Variants in NPAS3 observed in about 807,000 individuals in gnomAD.
The protein encoded by NPAS3 is neuronal PAS domain-containing protein 3.
Under a neutral mutation model 73.1 loss-of-function variants are expected in NPAS3, and 14 were observed. That is an observed-to-expected ratio of 0.19 (90% CI 0.13 to 0.30). The LOEUF is 0.30. Ranked by LOEUF, NPAS3 falls within the 10% of genes least tolerant of loss-of-function variation. NPAS3 has a pLI of 1.00. For synonymous variants in NPAS3, 620 were observed against 541.5 expected (o/e 1.14, Z -2.01); for missense variants, 1,096 against 1,250.0 (o/e 0.88, Z 1.86).
chr14:32,946,742 A>G (rs1400322409), intron 1 of NPAS3, among the ~76,000 whole-genome samples: 1 of 152,206 alleles, frequency 6.6e-6, no homozygotes, highest in African/African-American at 2.4e-5. Flanking sequence ...CATTCAGCAA[A>G]TATCTTGTTT....
At chr14:33,320,777 T>C (rs1453171256) in intron 3 of NPAS3, among the ~76,000 whole-genome samples, 1 of 152,200 alleles carries the variant, frequency 6.6e-6, no homozygotes, top group Admixed American at 6.5e-5. Context: ...GGGAAATTAA[T>C]TTCATTTATT....
At chr14:33,270,666 C>G (rs1384593514) in intron 3 of NPAS3, among the ~76,000 whole-genome samples, 1 of 152,200 alleles carries the variant, frequency 6.6e-6, no homozygotes, top group African/African-American at 2.4e-5. Context: ...TACATGTTTT[C>G]CCTCTGGAAG....
intron 4 of NPAS3, among the ~76,000 whole-genome samples, chr14:33,438,444 G>A (rs1028565712): frequency 6.6e-6 from 1 of 152,166 alleles, no homozygotes; most frequent in Non-Finnish European, 1.5e-5. Context: ...AGACATCATA[G>A]CAAGATTTTT....
intron 4 of NPAS3, among the ~76,000 whole-genome samples, chr14:33,550,784 T>A (rs1250440060): frequency 5.9e-5 from 9 of 152,174 alleles, no homozygotes; most frequent in African/African-American, 2.2e-4. Flanking sequence ...TGAAGCTAAA[T>A]TCTGGAGCTA....
chr14:33,311,549 T>G (rs923360399), intron 3 of NPAS3, among the ~76,000 whole-genome samples: 12 of 152,106 alleles, frequency 7.9e-5, no homozygotes, highest in Non-Finnish European at 1.6e-4. Flanking sequence ...GGTAGATAAT[T>G]CAGTAGCAAT....
chr14:32,996,700 G>A (rs1219647551), intron 1 of NPAS3, among the ~76,000 whole-genome samples: 1 of 152,206 alleles, frequency 6.6e-6, no homozygotes, highest in African/African-American at 2.4e-5. Flanking sequence ...AAGAATTGAG[G>A]TTTGGGAATC....
At chr14:33,421,412 G>A (rs1171645236) in intron 4 of NPAS3, among the ~76,000 whole-genome samples, 1 of 151,858 alleles carries the variant, frequency 6.6e-6, no homozygotes, top group Non-Finnish European at 1.5e-5. Flanking sequence ...GGGGTGAGAT[G>A]GGGGAGAAAG....
chr14:33,786,404 T>C (rs1290742484), intron 9 of NPAS3, among the ~76,000 whole-genome samples: 1 of 152,020 alleles, frequency 6.6e-6, no homozygotes, highest in Non-Finnish European at 1.5e-5. Context: ...GATGTTTGTT[T>C]AGTGGAGTTA....
chr14:33,365,392 G>A (rs1233606536), intron 3 of NPAS3, among the ~76,000 whole-genome samples: 1 of 151,978 alleles, frequency 6.6e-6, no homozygotes, highest in Non-Finnish European at 1.5e-5. Flanking sequence ...AATCAGAAAT[G>A]TGCACACCCA....
chr14:33,153,455 AT>A (rs956875041), intron 2 of NPAS3, among the ~76,000 whole-genome samples: 22 of 152,168 alleles, frequency 1.4e-4, no homozygotes, highest in African/African-American at 5.3e-4. Flanking sequence ...CCAATTTCTC[AT>A]TTGGAGAGCT....
At chr14:33,642,173 G>A (rs1347314394) in intron 5 of NPAS3, among the ~76,000 whole-genome samples, 3 of 152,162 alleles carry the variant, frequency 2.0e-5, no homozygotes, top group Non-Finnish European at 4.4e-5. Flanking sequence ...ATCTCCTGCT[G>A]TGTCCTGTCT....
intron 2 of NPAS3, among the ~76,000 whole-genome samples, chr14:33,197,119 GTC>G (rs2046385593): frequency 6.6e-6 from 1 of 152,150 alleles, no homozygotes; most frequent in Non-Finnish European, 1.5e-5. Flanking sequence ...TGTCATCAGA[GTC>G]TATCAATAAA....
intron 3 of NPAS3, among the ~76,000 whole-genome samples, chr14:33,332,214 A>G (rs2044017116): frequency 6.6e-6 from 1 of 152,194 alleles, no homozygotes; most frequent in South Asian, 2.1e-4. Flanking sequence ...TTCGCTCACT[A>G]AATTTCTTAG....
At chr14:33,232,087 C>T (rs1390469109) in intron 3 of NPAS3, among the ~76,000 whole-genome samples, 1 of 152,074 alleles carries the variant, frequency 6.6e-6, no homozygotes, top group Non-Finnish European at 1.5e-5. Flanking sequence ...GCCAGAACCC[C>T]CCAAAATAGA....
At chr14:33,254,691 A>G (rs2048711634) in intron 3 of NPAS3, among the ~76,000 whole-genome samples, 2 of 152,166 alleles carry the variant, frequency 1.3e-5, no homozygotes, top group Non-Finnish European at 2.9e-5. Flanking sequence ...GCTATGAAAA[A>G]TACTAAAAGG....
In NPAS3 at chr14:33,078,542, A is replaced by AAC. The variant is rs1555333435; in HGVS notation, c.140+22549_140+22550insCA. Among the ~76,000 whole-genome samples, 89 of 142,254 alleles carry AAC rather than the reference A, an allele frequency of 6.3e-4. No homozygotes were observed. The East Asian group carries it at 6.3e-3, about 10-fold the overall frequency. The allele number at this position is 142,254 out of a possible 152,430, so 93.3% of individuals were successfully genotyped here. ...TTACAAAAACAAAACCAAAAAAAAA[A>AAC]AAACAAACAAAAAAACCCACATGTG... On this transcript the variant is annotated intron_variant, in intron 2 of 11. Transcript: ENST00000356141.
At chr14:33,249,375 G>A (rs1439837288) in intron 3 of NPAS3, among the ~76,000 whole-genome samples, 1 of 147,056 alleles carries the variant, frequency 6.8e-6, no homozygotes, top group Non-Finnish European at 1.5e-5. Context: ...TTTCCTAACA[G>A]TCTCATCTGA....
intron 1 of NPAS3, among the ~76,000 whole-genome samples, chr14:32,988,939 C>G (rs1332614175): frequency 6.6e-6 from 1 of 152,158 alleles, no homozygotes; most frequent in African/African-American, 2.4e-5. Context: ...ACCACTATAC[C>G]ACAGCCACTA....
chr14:33,665,519 C>A (rs2059427827), intron 5 of NPAS3, among the ~76,000 whole-genome samples: 1 of 152,134 alleles, frequency 6.6e-6, no homozygotes, highest in African/African-American at 2.4e-5. Flanking sequence ...TCAGTAATTG[C>A]ATTGTTTGTA....
Sources: allele counts gnomAD v4.1 joint callset (sites outside exome capture counted in the v4.1 genomes callset), GRCh38; gene constraint gnomAD v4.1.1; transcripts MANE v1.5; gene names NCBI Gene and HGNC (gene_info 2026-07-23, HGNC 2026-07-21).